IGFBP7: variants seen among roughly 807,000 people sequenced by gnomAD.
IGFBP7 encodes insulin-like growth factor-binding protein 7.
A neutral mutation model predicts 29.4 loss-of-function variants in IGFBP7; 31 were observed. The observed-to-expected ratio is 1.05, with a 90% confidence interval of 0.79 to 1.42. IGFBP7 has a LOEUF of 1.42. Among genes scored for constraint, IGFBP7 ranks in the 40% most tolerant of loss-of-function variants. IGFBP7 has a pLI of 0.00. For missense variants in IGFBP7, 393 were observed against 395.5 expected (o/e 0.99, Z 0.05); for synonymous variants, 172 against 174.9 (o/e 0.98, Z 0.13).
rs1723981686 is a variant in IGFBP7, at chr4:57,033,071, A to G, written c.702+124T>C. ...GGAGCAGCGACTCCATGGTAAGGCT[A>G]TTCCAAACAGATGTGGAAGAGCAAG... On this transcript the variant is annotated intron_variant, in intron 3 of 4. Coordinates refer to ENST00000295666, the MANE Select transcript of IGFBP7 (RefSeq NM_001553.3). The G allele has an allele frequency of 3.8e-6, 3 of 785,238 alleles. 1 individual carries two copies. The highest frequency in any genetic ancestry group is 5.1e-4 in the Middle Eastern group (2 of 3,902). The allele number at this position is 785,238 out of a possible 1,614,324, so 48.6% of individuals were successfully genotyped here. A position where few individuals can be genotyped will look rare whatever the true frequency, so the allele number is the denominator to read the frequency against.
intron 2 of IGFBP7, among the ~76,000 whole-genome samples, chr4:57,036,270 A>C (rs1724083618): frequency 6.6e-6 from 1 of 152,128 alleles, no homozygotes; most frequent in Non-Finnish European, 1.5e-5. Flanking sequence ...GATACAAACC[A>C]GGGCAGTTCA....
intron 1 of IGFBP7, among the ~76,000 whole-genome samples, chr4:57,066,841 A>T (rs1002575208): frequency 2.6e-5 from 4 of 152,026 alleles, no homozygotes; most frequent in Non-Finnish European, 4.4e-5. Flanking sequence ...GGGATTACAG[A>T]CATGAGCCAC....
chr4:57,033,338 T>C, intron 2 of IGFBP7, 27 bp from the exon 3 acceptor site: 2 of 1,461,104 alleles, frequency 1.4e-6, no homozygotes, highest in Non-Finnish European at 1.9e-6. Context: ...AGAGTAATAC[T>C]GAGTTTTGTA....
At chr4:57,106,658 T>C (rs974035636) in intron 1 of IGFBP7, among the ~76,000 whole-genome samples, 2 of 152,116 alleles carry the variant, frequency 1.3e-5, no homozygotes, top group Non-Finnish European at 2.9e-5. Context: ...ATTCCAGAAG[T>C]GAAAATTAAT....
chr4:57,032,249 C>T (rs1723949419), intron 4 of IGFBP7, 177 bp downstream of exon 4: 1 of 1,411,194 alleles, frequency 7.1e-7, no homozygotes. Context: ...AGTCACCCAT[C>T]CAGATAATCT....
chr4:57,037,950 C>A lies in IGFBP7; in HGVS notation c.585+2874G>T, dbSNP rs1364527936. 3.3e-5 allele frequency among the ~76,000 whole-genome samples: 5 copies of A among 152,342 alleles called. No homozygotes were observed. The East Asian group carries it at 9.7e-4, about 29-fold the overall frequency. ...GTAAGGATGGAGGGGAACCCATCCA[C>A]GGACTGCATTTCTGCTCTTACTCTT... On this transcript the variant is annotated intron_variant, in intron 2 of 4. Coordinates refer to ENST00000295666, the MANE Select transcript of IGFBP7 (RefSeq NM_001553.3).
chr4:57,031,821 T>A (rs1344061700), intron 4 of IGFBP7, among the ~76,000 whole-genome samples: 1 of 152,252 alleles, frequency 6.6e-6, no homozygotes, highest in African/African-American at 2.4e-5. Context: ...CTGAGTGATC[T>A]GCACAGTGGA....
In IGFBP7 at chr4:57,094,406, A is replaced by G. The variant is rs111996962; in HGVS notation, c.475+15471T>C. Among the ~76,000 whole-genome samples, 366 of 152,232 alleles carry G rather than the reference A, an allele frequency of 2.4e-3. 1 individual carries two copies. Among genetic ancestry groups the G allele is most frequent in the Middle Eastern group, 6.8e-3 (2 of 294 alleles). Reference sequence around the variant, plus strand: ...GGACAGTGCCTTTGAGGGTGGCTCCATGTGAAGTAAGGGCCACGTGGGATG... The same window carrying G: ...GGACAGTGCCTTTGAGGGTGGCTCCGTGTGAAGTAAGGGCCACGTGGGATG... On this transcript the variant is annotated intron_variant, in intron 1 of 4. Coordinates refer to ENST00000295666, the MANE Select transcript of IGFBP7 (RefSeq NM_001553.3).
chr4:57,109,306 G>C (rs1726112915), intron 1 of IGFBP7, among the ~76,000 whole-genome samples: 1 of 152,118 alleles, frequency 6.6e-6, no homozygotes, highest in South Asian at 2.1e-4. Context: ...AGGCGTGGTG[G>C]CACAGGCTTA....
chr4:57,032,687 CAAGTCCTGTG>C, intron 3 of IGFBP7, 135 bp from the exon 4 acceptor site: 2 of 745,910 alleles, frequency 2.7e-6, no homozygotes, highest in Non-Finnish European at 4.7e-6. Context: ...AGAAGCAGTG[CAAGTCCTGTG>C]ATAGGAGACT....
chr4:57,046,643 T>A (rs998327090), intron 1 of IGFBP7, among the ~76,000 whole-genome samples: 2 of 152,172 alleles, frequency 1.3e-5, no homozygotes, highest in African/African-American at 4.8e-5. Flanking sequence ...CAATTATTTA[T>A]TTATCCTTGC....
chr4:57,042,118 T>C (rs1724240311), intron 1 of IGFBP7, among the ~76,000 whole-genome samples: 1 of 152,150 alleles, frequency 6.6e-6, no homozygotes, highest in Non-Finnish European at 1.5e-5. Flanking sequence ...TGCTTCTCCA[T>C]TCCCCCAATT....
At chr4:57,071,811 A>G (rs1488432064) in intron 1 of IGFBP7, among the ~76,000 whole-genome samples, 1 of 152,084 alleles carries the variant, frequency 6.6e-6, no homozygotes, top group Non-Finnish European at 1.5e-5. Context: ...GAGGATTGGG[A>G]ACCTTGGCTG....
At chr4:57,034,089 T>C (rs531877129) in intron 2 of IGFBP7, among the ~76,000 whole-genome samples, 1 of 150,708 alleles carries the variant, frequency 6.6e-6, no homozygotes, top group African/African-American at 2.4e-5. Context: ...ATACATGTGC[T>C]GTCATTGTTC....
At chr4:57,102,153 G>A (rs1222049821) in intron 1 of IGFBP7, among the ~76,000 whole-genome samples, 1 of 152,150 alleles carries the variant, frequency 6.6e-6, no homozygotes, top group Non-Finnish European at 1.5e-5. Flanking sequence ...CCACTGTAGG[G>A]AGGAATTTTG....
Position 57,033,237 on chromosome 4 carries a change from G to T in IGFBP7, c.660C>A (p.Thr220=). 6.2e-7 allele frequency: 1 copy of T among 1,614,060 alleles called. No individual in the cohort carries two copies. The highest frequency in any genetic ancestry group is 8.5e-7 in the Non-Finnish European group (1 of 1,179,942). The change falls in exon 3 of 5, where the codon ACC becomes ACA. Residue 220 remains threonine, a synonymous_variant. Transcript: ENST00000295666. ...PGDRDNLAIQ[T]RGGPEKHEVT... Reference sequence around the variant, plus strand: ...CTTCATGCTTTTCTGGGCCACCCCGGGTCTGAATGGCCAGGTTGTCCCGGT... The same window carrying T: ...CTTCATGCTTTTCTGGGCCACCCCGTGTCTGAATGGCCAGGTTGTCCCGGT...
At chr4:57,088,807 T>C (rs1725562811) in intron 1 of IGFBP7, among the ~76,000 whole-genome samples, 1 of 151,892 alleles carries the variant, frequency 6.6e-6, no homozygotes, top group South Asian at 2.1e-4. Flanking sequence ...GGCAGGCGGA[T>C]CATCTGGAGG....
At chr4:57,059,700 G>T (rs889622929) in intron 1 of IGFBP7, among the ~76,000 whole-genome samples, 6 of 151,912 alleles carry the variant, frequency 3.9e-5, no homozygotes, top group African/African-American at 7.3e-5. Flanking sequence ...TCCATGACAC[G>T]AGTTTACCTA....
chr4:57,048,827 A>T (rs1724430306), intron 1 of IGFBP7, among the ~76,000 whole-genome samples: 1 of 152,226 alleles, frequency 6.6e-6, no homozygotes, highest in African/African-American at 2.4e-5. Flanking sequence ...TGGGGACAGA[A>T]CACTTGGCTC....
Sources: allele counts gnomAD v4.1 joint callset (sites outside exome capture counted in the v4.1 genomes callset), GRCh38; gene constraint gnomAD v4.1.1; transcripts MANE v1.5; gene names NCBI Gene and HGNC (gene_info 2026-07-23, HGNC 2026-07-21).